The following ZFAND3 variants were observed in gnomAD, a reference collection of about 807,000 sequenced individuals.
ZFAND3 encodes the protein AN1-type zinc finger protein 3.
ZFAND3 carries 10 observed loss-of-function variants against 29.6 expected under a neutral mutation model. The observed-to-expected ratio is 0.34, with a 90% CI of 0.21 to 0.57. The LOEUF (loss-of-function observed/expected upper bound fraction) is 0.57, where lower values mean the gene tolerates loss of function less well. Among genes scored for constraint, ZFAND3 ranks in the 20% least tolerant of loss-of-function variants. ZFAND3 has a pLI of 0.86. For missense variants in ZFAND3, 230 were observed against 304.5 expected, an observed-to-expected ratio of 0.76 and a Z score of 1.82; for synonymous variants, 128 against 112.6, an observed-to-expected ratio of 1.14 and a Z score of -0.87.
At chr6:37,953,441 C>CTTTTTTTTTTTTTTTT (rs35182018) in intron 2 of ZFAND3, among the ~76,000 whole-genome samples, 4 of 106,212 alleles carry the variant, frequency 3.8e-5, no homozygotes, top group African/African-American at 7.5e-5. Flanking sequence ...GCATAATTAT[C>CTTTTTTTTTTTTTTTT]TTTTTTTTTT....
intron 2 of ZFAND3, among the ~76,000 whole-genome samples, chr6:37,943,551 C>A (rs1761849173): frequency 6.6e-6 from 1 of 152,122 alleles, no homozygotes; most frequent in Non-Finnish European, 1.5e-5. Flanking sequence ...GTCAGGAAAT[C>A]TTTCTCAAAA....
intron 2 of ZFAND3, among the ~76,000 whole-genome samples, chr6:38,059,581 T>C (rs1176877145): frequency 6.6e-6 from 1 of 152,122 alleles, no homozygotes; most frequent in Non-Finnish European, 1.5e-5. Flanking sequence ...TCAGGGGCTT[T>C]GAAAAGGTTT....
At chr6:38,021,938 A>G (rs1213369814) in intron 2 of ZFAND3, among the ~76,000 whole-genome samples, 1 of 152,214 alleles carries the variant, frequency 6.6e-6, no homozygotes, top group Non-Finnish European at 1.5e-5. Flanking sequence ...TCAATACTTA[A>G]ATATAGGTTT....
At chr6:37,895,341 T>C (rs1765179597) in intron 1 of ZFAND3, among the ~76,000 whole-genome samples, 1 of 151,772 alleles carries the variant, frequency 6.6e-6, no homozygotes, top group South Asian at 2.1e-4. Context: ...TCTTTTTCTC[T>C]TTTTTTCTTT....
chr6:37,891,077 C>G (rs183959381), intron 1 of ZFAND3, among the ~76,000 whole-genome samples: 89 of 152,324 alleles, frequency 5.8e-4, no homozygotes, highest in African/African-American at 1.9e-3. Context: ...TATCACTTCT[C>G]TATCCCCCAA....
intron 2 of ZFAND3, among the ~76,000 whole-genome samples, chr6:37,970,496 G>C (rs1162726447): frequency 1.3e-5 from 2 of 152,176 alleles, no homozygotes; most frequent in Non-Finnish European, 2.9e-5. Context: ...GAATTACCTG[G>C]TGTCCTAGCA....
chr6:37,915,127 C>G (rs1038452044), intron 1 of ZFAND3, among the ~76,000 whole-genome samples: 9 of 151,968 alleles, frequency 5.9e-5, no homozygotes, highest in African/African-American at 2.2e-4. Context: ...GAGATGGCTT[C>G]TTTTTTTTAA....
At chr6:37,885,886 G>T (rs963913271) in intron 1 of ZFAND3, among the ~76,000 whole-genome samples, 3 of 151,882 alleles carry the variant, frequency 2.0e-5, no homozygotes, top group African/African-American at 4.8e-5. Flanking sequence ...GGGATTACAC[G>T]TGTGAGCCCA....
intron 1 of ZFAND3, among the ~76,000 whole-genome samples, chr6:37,904,941 A>G (rs1765382358): frequency 6.6e-6 from 1 of 152,146 alleles, no homozygotes; most frequent in African/African-American, 2.4e-5. Flanking sequence ...ACGTGTGTGT[A>G]TTTCATATAA....
intron 2 of ZFAND3, among the ~76,000 whole-genome samples, chr6:37,968,586 A>C (rs1252839813): frequency 1.3e-5 from 2 of 152,190 alleles, no homozygotes; most frequent in Non-Finnish European, 2.9e-5. Context: ...TTTCAGAGTG[A>C]GAACTGGGAC....
At chr6:38,095,923 C>G (rs1446228523) in intron 4 of ZFAND3, among the ~76,000 whole-genome samples, 1 of 151,908 alleles carries the variant, frequency 6.6e-6, no homozygotes, top group Non-Finnish European at 1.5e-5. Flanking sequence ...GTCCCAGCTA[C>G]TTGGGAAACT....
intron 5 of ZFAND3, among the ~76,000 whole-genome samples, chr6:38,119,402 CT>C (rs1765485517): frequency 6.6e-6 from 1 of 152,192 alleles, no homozygotes; most frequent in Non-Finnish European, 1.5e-5. Flanking sequence ...CAGAACACTT[CT>C]TCCCTGCAGA....
chr6:38,039,977 A>G (rs1044688941), intron 2 of ZFAND3, among the ~76,000 whole-genome samples: 5 of 152,048 alleles, frequency 3.3e-5, no homozygotes, highest in South Asian at 2.1e-4. Context: ...TCATTCTCTC[A>G]CCTGAATATT....
intron 2 of ZFAND3, among the ~76,000 whole-genome samples, chr6:38,020,476 A>G (rs533298537): frequency 1.3e-5 from 2 of 152,346 alleles, no homozygotes; most frequent in East Asian, 3.8e-4. Context: ...ACATAACTCT[A>G]TCCCTCTATT....
chr6:37,837,420 CTGT>C (rs1049713135), intron 1 of ZFAND3, among the ~76,000 whole-genome samples: 3 of 151,428 alleles, frequency 2.0e-5, no homozygotes, highest in Admixed American at 1.3e-4. Context: ...TGTAACTGCT[CTGT>C]TGTTATTTTA....
At chr6:37,846,952 C>T (rs1322294988) in intron 1 of ZFAND3, among the ~76,000 whole-genome samples, 3 of 151,946 alleles carry the variant, frequency 2.0e-5, no homozygotes, top group Admixed American at 6.6e-5. Context: ...ACCTCGTGAT[C>T]TGCCTGCCTC....
chr6:38,144,204 TATATATAATATATAATATATATA>T (rs1562015981), intron 5 of ZFAND3, among the ~76,000 whole-genome samples: 6 of 47,052 alleles, frequency 1.3e-4, no homozygotes, highest in African/African-American at 7.7e-4. Flanking sequence ...TATATATATA[TATATATAATATATAATATATATA>T]TATATTTTTT....
At chr6:37,914,658 C>CTTTTTT (rs1396437504) in intron 1 of ZFAND3, among the ~76,000 whole-genome samples, 1,263 of 82,016 alleles carry the variant, frequency 0.015, 16 homozygotes, top group African/African-American at 0.063. Flanking sequence ...TTCTTTCTTT[C>CTTTTTT]TTTCTTTTTT....
Position 37,949,358 on chromosome 6 carries a change from T to G in ZFAND3, c.112+19359T>G, listed in dbSNP as rs149689100. On this transcript the variant is annotated intron_variant, in intron 2 of 5. Coordinates refer to ENST00000287218, the MANE Select transcript of ZFAND3 (RefSeq NM_021943.3). ...TGTGGGGAAAACTCTGTGTTTTTCC[T>G]CTACTCTCACACCACAGCAGTCATT... 1.9e-3 allele frequency among the ~76,000 whole-genome samples: 296 copies of G among 152,254 alleles called. 1 individual carries two copies. The highest frequency in any genetic ancestry group is 6.8e-3 in the African/African-American group (282 of 41,524).
Sources: gnomAD v4.1 joint callset for allele counts (sites outside exome capture counted in the v4.1 genomes callset) on GRCh38, gnomAD v4.1.1 for gene constraint, MANE v1.5 for transcripts, NCBI Gene and HGNC (gene_info 2026-07-23, HGNC 2026-07-21) for gene names.